The following TFDP2 variants were observed in gnomAD, a reference collection of about 807,000 sequenced individuals.
TFDP2 encodes transcription factor Dp-2 (E2F dimerization partner 2).
In TFDP2, 17 loss-of-function variants were observed where a neutral mutation model predicts 59.3. The ratio of observed to expected loss-of-function variants is 0.29; its 90% CI spans 0.20 to 0.43. The LOEUF (loss-of-function observed/expected upper bound fraction) is 0.43, where lower values mean the gene tolerates loss of function less well. TFDP2 is among the 20% of genes least tolerant of loss of function. TFDP2 has a pLI of 1.00. For missense variants in TFDP2, 391 were observed against 528.8 expected (o/e 0.74, Z 2.56); for synonymous variants, 180 against 194.7 (o/e 0.92, Z 0.63).
intron 1 of TFDP2, among the ~76,000 whole-genome samples, chr3:142,140,669 C>T (rs1171732043): frequency 1.3e-5 from 2 of 152,176 alleles, no homozygotes; most frequent in Non-Finnish European, 1.5e-5. Context: ...CTCCAGACCC[C>T]GTTTGCCTGG....
intron 9 of TFDP2, among the ~76,000 whole-genome samples, chr3:141,965,607 G>T (rs989235745): frequency 6.6e-6 from 1 of 150,854 alleles, no homozygotes. Context: ...GAAAGGAAAG[G>T]AAAGGAAAGG....
At chr3:141,965,793 T>C (rs1481818622) in intron 9 of TFDP2, among the ~76,000 whole-genome samples, 1 of 151,988 alleles carries the variant, frequency 6.6e-6, no homozygotes, top group Non-Finnish European at 1.5e-5. Flanking sequence ...ATCAATATCA[T>C]TACCAAACAT....
intron 9 of TFDP2, among the ~76,000 whole-genome samples, chr3:141,965,782 T>C (rs1412666609): frequency 1.3e-5 from 2 of 152,046 alleles, no homozygotes; most frequent in East Asian, 3.8e-4. Context: ...TAACTAGCAC[T>C]ATCAATATCA....
At chr3:142,122,737 T>C (rs145490429) in intron 1 of TFDP2, among the ~76,000 whole-genome samples, 10 of 152,218 alleles carry the variant, frequency 6.6e-5, no homozygotes, top group African/African-American at 2.2e-4. Flanking sequence ...CAAGACAGTA[T>C]TCAGGGCCAA....
intron 3 of TFDP2, among the ~76,000 whole-genome samples, chr3:142,075,180 G>A (rs1349377819): frequency 6.6e-6 from 1 of 152,052 alleles, no homozygotes; most frequent in Non-Finnish European, 1.5e-5. Flanking sequence ...AAAAGCACAG[G>A]CAACAAAAGA....
At chr3:142,147,420 C>T (rs766382041) in intron 1 of TFDP2, among the ~76,000 whole-genome samples, 1 of 152,170 alleles carries the variant, frequency 6.6e-6, no homozygotes, top group Non-Finnish European at 1.5e-5. Context: ...CATCCCACTT[C>T]ATCAGTTATA....
intron 3 of TFDP2, among the ~76,000 whole-genome samples, chr3:142,071,317 G>A (rs780549579): frequency 1.3e-4 from 19 of 151,762 alleles, no homozygotes; most frequent in Non-Finnish European, 4.4e-5. Flanking sequence ...CCACCGCACC[G>A]GGCTGATTAT....
chr3:141,997,122 T>C (rs1459916226), intron 4 of TFDP2, among the ~76,000 whole-genome samples: 2 of 152,178 alleles, frequency 1.3e-5, no homozygotes, highest in African/African-American at 4.8e-5. Flanking sequence ...TCTTTAGGGG[T>C]GGCGAGTACC....
intron 2 of TFDP2, 72 bp from the exon 3 acceptor site, chr3:142,093,199 T>A: frequency 1.0e-6 from 1 of 1,000,070 alleles, no homozygotes; most frequent in Non-Finnish European, 1.4e-6. Context: ...AGCTATTTTA[T>A]ATCTTCCATC....
intron 3 of TFDP2, among the ~76,000 whole-genome samples, chr3:142,023,275 C>T (rs1039992384): frequency 6.6e-6 from 1 of 151,214 alleles, no homozygotes. Context: ...ACCTCCGCCT[C>T]CCGCGTTCAA....
At chr3:142,036,442 T>C (rs75625250) in intron 3 of TFDP2, among the ~76,000 whole-genome samples, 1,597 of 152,350 alleles carry the variant, frequency 0.01, 10 homozygotes, top group Non-Finnish European at 0.016. Context: ...GTATTGATGA[T>C]GTGCATTTAT....
intron 3 of TFDP2, among the ~76,000 whole-genome samples, chr3:142,082,250 T>C (rs547167440): frequency 6.6e-6 from 1 of 152,326 alleles, no homozygotes; most frequent in African/African-American, 2.4e-5. Context: ...CACCCCAAGA[T>C]GGGACCACCT....
chr3:142,099,430 G>A (rs115543365), intron 2 of TFDP2, among the ~76,000 whole-genome samples: 227 of 152,214 alleles, frequency 1.5e-3, no homozygotes, highest in African/African-American at 5.3e-3. Flanking sequence ...GGCCAGGCGC[G>A]GTGGCTCACA....
intron 11 of TFDP2, among the ~76,000 whole-genome samples, chr3:141,954,367 G>A (rs529161846): frequency 5.9e-5 from 9 of 151,786 alleles, no homozygotes; most frequent in Admixed American, 1.3e-4. Flanking sequence ...GTGGCGGGGC[G>A]CGGTGGCTCA....
intron 1 of TFDP2, among the ~76,000 whole-genome samples, chr3:142,119,057 T>A (rs1214273176): frequency 6.6e-6 from 1 of 151,758 alleles, no homozygotes; most frequent in Non-Finnish European, 1.5e-5. Flanking sequence ...GCTACCTGGG[T>A]GGCTGAGGCA....
intron 11 of TFDP2, among the ~76,000 whole-genome samples, chr3:141,956,554 A>AC (rs1271693060): frequency 6.6e-6 from 1 of 152,020 alleles, no homozygotes; most frequent in Non-Finnish European, 1.5e-5. Flanking sequence ...TCCATCTCAA[A>AC]AAAAAAGTCA....
At chr3:142,087,032 C>T (rs564822332) in intron 3 of TFDP2, among the ~76,000 whole-genome samples, 1 of 152,250 alleles carries the variant, frequency 6.6e-6, no homozygotes, top group African/African-American at 2.4e-5. Context: ...AAAGATACTC[C>T]TAGTACTCCT....
chr3:142,053,236 G>A (rs1467454085), intron 3 of TFDP2, among the ~76,000 whole-genome samples: 10 of 152,126 alleles, frequency 6.6e-5, no homozygotes, highest in Non-Finnish European at 1.5e-4. Context: ...CTCAATGTTG[G>A]AGGTGGGGCC....
chr3:142,066,738 A>G (rs941673735), intron 3 of TFDP2, among the ~76,000 whole-genome samples: 2 of 152,156 alleles, frequency 1.3e-5, no homozygotes, highest in Non-Finnish European at 2.9e-5. Context: ...CTCTAAGACT[A>G]TAAAGGACTA....
Sources: allele counts gnomAD v4.1 joint callset (sites outside exome capture counted in the v4.1 genomes callset), GRCh38; gene constraint gnomAD v4.1.1; transcripts MANE v1.5; gene names NCBI Gene and HGNC (gene_info 2026-07-23, HGNC 2026-07-21).